SNTG2: variants seen among roughly 807,000 people sequenced by gnomAD.
SNTG2 encodes syntrophin gamma 2.
SNTG2 carries 74 observed loss-of-function variants against 70.9 expected under a neutral mutation model. The ratio of observed to expected loss-of-function variants is 1.04; its 90% CI spans 0.86 to 1.27. The LOEUF is 1.27. SNTG2 is among the 50% of genes most tolerant of loss of function. The pLI, the probability that SNTG2 is intolerant of heterozygous loss-of-function variation, is 0.00. For synonymous variants in SNTG2, 278 were observed against 273.8 expected (o/e 1.02, Z -0.15); for missense variants, 717 against 690.7 (o/e 1.04, Z -0.43).
At chr2:990,344 C>T (rs1471405790) in intron 1 of SNTG2, among the ~76,000 whole-genome samples, 1 of 152,220 alleles carries the variant, frequency 6.6e-6, no homozygotes, top group Non-Finnish European at 1.5e-5. Flanking sequence ...CCAAATCCCA[C>T]AGACCTGGTG....
chr2:996,673 G>GTTTTTTCTTT (rs1661690889), intron 1 of SNTG2, among the ~76,000 whole-genome samples: 1 of 35,114 alleles, frequency 2.8e-5, no homozygotes. Flanking sequence ...GAGTTACCCA[G>GTTTTTTCTTT]TTTTTTTTTT....
At chr2:1,208,324 AGT>A (rs1057164223) in intron 8 of SNTG2, among the ~76,000 whole-genome samples, 4 of 93,088 alleles carry the variant, frequency 4.3e-5, no homozygotes, top group African/African-American at 7.8e-5. Context: ...CACGTCCATG[AGT>A]GTGGGGCACA....
chr2:1,291,228 T>C (rs1420977000), intron 14 of SNTG2, among the ~76,000 whole-genome samples: 1 of 152,198 alleles, frequency 6.6e-6, no homozygotes, highest in African/African-American at 2.4e-5. Flanking sequence ...GGTTCAGTTG[T>C]AGGAGTTCTT....
intron 8 of SNTG2, among the ~76,000 whole-genome samples, chr2:1,175,749 T>G (rs191578184): frequency 3.9e-5 from 6 of 152,328 alleles, no homozygotes; most frequent in Non-Finnish European, 5.9e-5. Context: ...GCAGTTATCC[T>G]CAGGGTTTTT....
chr2:1,128,753 C>G (rs910135648), intron 4 of SNTG2, among the ~76,000 whole-genome samples: 2 of 151,954 alleles, frequency 1.3e-5, no homozygotes, highest in African/African-American at 4.8e-5. Flanking sequence ...ACAGGTTCTG[C>G]ACTGGACTAA....
At chr2:1,209,045 T>A in intron 8 of SNTG2, 58 bp from the exon 9 acceptor site, 2 of 1,596,090 alleles carry the variant, frequency 1.3e-6, no homozygotes, top group Non-Finnish European at 1.7e-6. Context: ...CAGATGCCTC[T>A]CCCCGCATGC....
At chr2:1,307,827 C>A (rs1422931804) in intron 14 of SNTG2, among the ~76,000 whole-genome samples, 5 of 152,252 alleles carry the variant, frequency 3.3e-5, no homozygotes, top group African/African-American at 9.6e-5. Context: ...ACCTTCCGGG[C>A]AGAGCCCAGG....
intron 1 of SNTG2, among the ~76,000 whole-genome samples, chr2:1,000,037 G>A (rs986022965): frequency 1.3e-5 from 2 of 151,842 alleles, no homozygotes; most frequent in African/African-American, 4.8e-5. Flanking sequence ...TGATCGTGGG[G>A]TGAAAAATGC....
At chr2:1,366,988 G>T (rs972089795) in intron 16 of SNTG2, among the ~76,000 whole-genome samples, 5 of 152,222 alleles carry the variant, frequency 3.3e-5, no homozygotes, top group African/African-American at 1.2e-4. Context: ...TGGGCAGGTG[G>T]GGAAGACTGA....
intron 16 of SNTG2, among the ~76,000 whole-genome samples, chr2:1,351,644 C>T (rs958718375): frequency 6.6e-6 from 1 of 152,196 alleles, no homozygotes; most frequent in African/African-American, 2.4e-5. Flanking sequence ...CACTCGGCCG[C>T]ATCCAGCCGG....
intron 6 of SNTG2, among the ~76,000 whole-genome samples, chr2:1,162,754 T>C (rs1473272460): frequency 6.6e-6 from 1 of 151,790 alleles, no homozygotes; most frequent in Admixed American, 6.5e-5. Flanking sequence ...AATTCAGCTT[T>C]GGTAGTTTTC....
intron 9 of SNTG2, among the ~76,000 whole-genome samples, chr2:1,236,933 C>A (rs1676697991): frequency 6.7e-6 from 1 of 148,886 alleles, no homozygotes; most frequent in Non-Finnish European, 1.5e-5. Flanking sequence ...CATTAATATG[C>A]ATTGTTTTCT....
intron 14 of SNTG2, 138 bp downstream of exon 14, chr2:1,267,709 G>T: frequency 1.2e-6 from 1 of 822,580 alleles, no homozygotes; most frequent in South Asian, 1.7e-5. Flanking sequence ...GCTACTGTGT[G>T]GAAATGATCG....
At chr2:1,173,326 A>G in intron 8 of SNTG2, 143 bp downstream of exon 8, 1 of 792,236 alleles carries the variant, frequency 1.3e-6, no homozygotes, top group Non-Finnish European at 2.0e-6. Context: ...TAGAACACAG[A>G]TTGAAGGTGC....
chr2:1,282,400 C>T (rs1159725444), intron 14 of SNTG2, among the ~76,000 whole-genome samples: 1 of 152,186 alleles, frequency 6.6e-6, no homozygotes, highest in East Asian at 1.9e-4. Flanking sequence ...TATTCATAAA[C>T]TTACCTAAAT....
At chr2:1,243,713 TTAAG>T (rs1287109734) in intron 11 of SNTG2, among the ~76,000 whole-genome samples, 7 of 152,182 alleles carry the variant, frequency 4.6e-5, no homozygotes, top group Admixed American at 3.9e-4. Context: ...CAGCGCATGA[TTAAG>T]TGTTTCGTGA....
intron 6 of SNTG2, 95 bp downstream of exon 6, chr2:1,137,904 A>G: frequency 1.7e-6 from 2 of 1,195,310 alleles, no homozygotes; most frequent in South Asian, 1.3e-5. Context: ...CTATCCATAG[A>G]TGCAGTGTTA....
At chr2:1,088,185 T>C (rs376359743) in intron 2 of SNTG2, among the ~76,000 whole-genome samples, 68 of 152,374 alleles carry the variant, frequency 4.5e-4, no homozygotes, top group African/African-American at 1.6e-3. Flanking sequence ...ATAGGAACCC[T>C]TTTAAGCTAA....
At chr2:1,053,631 T>C (rs892284714) in intron 1 of SNTG2, among the ~76,000 whole-genome samples, 3 of 152,160 alleles carry the variant, frequency 2.0e-5, no homozygotes, top group Admixed American at 2.0e-4. Flanking sequence ...CAGGTCGTGT[T>C]CATTTGGCAT....
Sources: gnomAD v4.1 joint callset for allele counts (sites outside exome capture counted in the v4.1 genomes callset) on GRCh38, gnomAD v4.1.1 for gene constraint, MANE v1.5 for transcripts, NCBI Gene and HGNC (gene_info 2026-07-23, HGNC 2026-07-21) for gene names.